CDH13: variants seen among roughly 807,000 people sequenced by gnomAD.
CDH13 encodes cadherin 13.
In CDH13, 24 loss-of-function variants were observed where a neutral mutation model predicts 63.8. That is an observed-to-expected ratio of 0.38 (90% confidence interval 0.27 to 0.53). The LOEUF is 0.53. Among genes scored for constraint, CDH13 ranks in the 20% least tolerant of loss-of-function variants. The probability of loss-of-function intolerance (pLI) is 0.85; values close to 1 mark genes in which losing one functional copy is unlikely to be tolerated. For synonymous variants in CDH13, 503 were observed against 355.3 expected (o/e 1.42, Z -4.67); for missense variants, 1,049 against 903.1 (o/e 1.16, Z -2.07).
At position 83,581,172 on chromosome 16, in the gene CDH13, A is replaced by T. The variant is rs373798029; in HGVS notation, c.961-21282A>T. ...AAATCATTACTGCATTTGTTCATTGATCCAACAAATGCACGTGGGCATTTG... is the reference window on the plus strand; with the variant it reads ...AAATCATTACTGCATTTGTTCATTGTTCCAACAAATGCACGTGGGCATTTG... On this transcript the variant is annotated intron_variant, in intron 7 of 13. Transcript: ENST00000567109. 3.9e-5 allele frequency among the ~76,000 whole-genome samples: 6 copies of T among 152,168 alleles called. No homozygotes were observed. The East Asian group carries it at 9.6e-4, about 24-fold the overall frequency.
intron 5 of CDH13, among the ~76,000 whole-genome samples, chr16:83,254,535 AT>A (rs1225116762): frequency 1.3e-5 from 2 of 152,196 alleles, no homozygotes; most frequent in African/African-American, 4.8e-5. Context: ...TATGGACAGG[AT>A]CCCCTGTGGC....
At chr16:82,673,135 C>T (rs1913491218) in intron 1 of CDH13, among the ~76,000 whole-genome samples, 1 of 150,168 alleles carries the variant, frequency 6.7e-6, no homozygotes, top group South Asian at 2.1e-4. Flanking sequence ...AGTCACTGTG[C>T]CCAGCCCCAG....
chr16:83,759,327 T>C (rs1425520628), intron 11 of CDH13, among the ~76,000 whole-genome samples: 2 of 152,080 alleles, frequency 1.3e-5, no homozygotes, highest in Non-Finnish European at 2.9e-5. Context: ...TAAGGCCAAG[T>C]TGATTGAATA....
intron 3 of CDH13, among the ~76,000 whole-genome samples, chr16:83,108,900 G>A (rs1211000086): frequency 6.6e-6 from 1 of 152,082 alleles, no homozygotes. Flanking sequence ...GTTCTGCCCT[G>A]CCTCCTGGAA....
At chr16:82,790,585 G>A (rs1421254480) in intron 1 of CDH13, among the ~76,000 whole-genome samples, 6 of 152,200 alleles carry the variant, frequency 3.9e-5, no homozygotes, top group Admixed American at 3.9e-4. Context: ...GTAGGGTAGT[G>A]TATTAGTCCC....
intron 3 of CDH13, among the ~76,000 whole-genome samples, chr16:83,068,619 C>T (rs2032204961): frequency 6.6e-6 from 1 of 152,170 alleles, no homozygotes; most frequent in Non-Finnish European, 1.5e-5. Flanking sequence ...AAGCCTTTGC[C>T]ATCACCAAAC....
At chr16:83,409,998 G>A (rs777892960) in intron 6 of CDH13, among the ~76,000 whole-genome samples, 1 of 152,226 alleles carries the variant, frequency 6.6e-6, no homozygotes, top group Non-Finnish European at 1.5e-5. Context: ...TATTTCCTGT[G>A]TGAAACAACT....
intron 1 of CDH13, among the ~76,000 whole-genome samples, chr16:82,807,044 A>C (rs1038717332): frequency 6.6e-6 from 1 of 151,810 alleles, no homozygotes; most frequent in Non-Finnish European, 1.5e-5. Flanking sequence ...AATGACAAGT[A>C]ACTTCTAGTT....
intron 7 of CDH13, among the ~76,000 whole-genome samples, chr16:83,502,345 A>G (rs2074301727): frequency 1.3e-5 from 2 of 152,138 alleles, no homozygotes; most frequent in African/African-American, 4.8e-5. Flanking sequence ...GCAAGGGCCC[A>G]CCATGCAAGG....
At chr16:83,555,470 A>G (rs1022048398) in intron 7 of CDH13, among the ~76,000 whole-genome samples, 2 of 152,222 alleles carry the variant, frequency 1.3e-5, no homozygotes, top group African/African-American at 2.4e-5. Flanking sequence ...TTTTATATGA[A>G]TTTCAGACTT....
At chr16:83,172,888 C>G (rs944403707) in intron 4 of CDH13, among the ~76,000 whole-genome samples, 8 of 152,116 alleles carry the variant, frequency 5.3e-5, no homozygotes, top group African/African-American at 1.9e-4. Context: ...ACTAAAAATT[C>G]TCATTTCATC....
chr16:82,841,136 C>T (rs1033677541), intron 1 of CDH13, among the ~76,000 whole-genome samples: 2 of 152,216 alleles, frequency 1.3e-5, no homozygotes, highest in Non-Finnish European at 2.9e-5. Flanking sequence ...CCTTACCATC[C>T]ACGGAGTGTT....
At chr16:83,538,179 C>G (rs1358140092) in intron 7 of CDH13, among the ~76,000 whole-genome samples, 1 of 152,168 alleles carries the variant, frequency 6.6e-6, no homozygotes, top group African/African-American at 2.4e-5. Flanking sequence ...AGGAGAAAAT[C>G]ATTTATAAAG....
At chr16:83,714,500 A>G (rs796168326) in intron 10 of CDH13, among the ~76,000 whole-genome samples, 4 of 152,308 alleles carry the variant, frequency 2.6e-5, no homozygotes, top group African/African-American at 9.6e-5. Flanking sequence ...TGCCCCACAA[A>G]GGAATGTTCT....
At chr16:83,193,446 A>G (rs1170454501) in intron 4 of CDH13, among the ~76,000 whole-genome samples, 1 of 152,114 alleles carries the variant, frequency 6.6e-6, no homozygotes, top group Non-Finnish European at 1.5e-5. Flanking sequence ...CACACATTGT[A>G]TTTCTCTTCT....
intron 2 of CDH13, among the ~76,000 whole-genome samples, chr16:83,018,104 G>A (rs1914980639): frequency 6.6e-6 from 1 of 152,150 alleles, no homozygotes; most frequent in Non-Finnish European, 1.5e-5. Flanking sequence ...GGAGTGTGGT[G>A]AACCTGAGTT....
chr16:82,974,889 A>C (rs76984870), intron 2 of CDH13, among the ~76,000 whole-genome samples: 1 of 152,200 alleles, frequency 6.6e-6, no homozygotes, highest in Non-Finnish European at 1.5e-5. Context: ...GCTTTAAGCC[A>C]TTAAGTTCCT....
At chr16:83,780,958 A>T (rs1037616323) in intron 12 of CDH13, among the ~76,000 whole-genome samples, 8 of 152,220 alleles carry the variant, frequency 5.3e-5, no homozygotes, top group African/African-American at 1.9e-4. Context: ...AAGTGCTAGG[A>T]TAAGAATCTT....
chr16:83,135,878 G>A (rs2036259215), intron 4 of CDH13, among the ~76,000 whole-genome samples: 2 of 152,142 alleles, frequency 1.3e-5, no homozygotes, highest in African/African-American at 2.4e-5. Flanking sequence ...GCAGCAACCT[G>A]GATGAGATTG....
Sources: allele counts gnomAD v4.1 joint callset (sites outside exome capture counted in the v4.1 genomes callset), GRCh38; gene constraint gnomAD v4.1.1; transcripts MANE v1.5; gene names NCBI Gene and HGNC (gene_info 2026-07-23, HGNC 2026-07-21).